The following ATP8A1 variants were observed in gnomAD, a reference collection of about 807,000 sequenced individuals.
The protein encoded by ATP8A1 is ATPase phospholipid transporting 8A1, also known as phospholipid-transporting ATPase IA.
ATP8A1 carries 90 observed loss-of-function variants against 177.7 expected under a neutral mutation model. The ratio of observed to expected loss-of-function variants is 0.51; its 90% CI spans 0.43 to 0.60. ATP8A1 has a LOEUF of 0.60. ATP8A1 is among the 20% of genes least tolerant of loss of function. The pLI, the probability that ATP8A1 is intolerant of heterozygous loss-of-function variation, is 0.00. For missense variants in ATP8A1, 1,072 were observed against 1,392.8 expected (o/e 0.77, Z 3.67); for synonymous variants, 493 against 485.9 (o/e 1.01, Z -0.19).
chr4:42,652,349 C>A (rs1741179735), intron 1 of ATP8A1, among the ~76,000 whole-genome samples: 2 of 152,302 alleles, frequency 1.3e-5, no homozygotes, highest in African/African-American at 4.8e-5. Context: ...TCAACTAAAT[C>A]TTCACAAGCC....
intron 1 of ATP8A1, among the ~76,000 whole-genome samples, chr4:42,633,463 T>C (rs1378517737): frequency 1.3e-5 from 2 of 152,306 alleles, no homozygotes; most frequent in East Asian, 1.9e-4. Context: ...GAATCTACTA[T>C]GTTTTGGGCA....
chr4:42,436,189 C>G (rs527534998), intron 33 of ATP8A1, among the ~76,000 whole-genome samples: 2 of 152,174 alleles, frequency 1.3e-5, no homozygotes, highest in Non-Finnish European at 2.9e-5. Flanking sequence ...TACGGGTACA[C>G]CATGGCCTCT....
At position 42,503,457 on chromosome 4, in the gene ATP8A1, G is replaced by T; in HGVS notation, c.2144C>A (p.Ser715Tyr). The change falls in exon 24 of 37, where the codon TCT becomes TAT. Residue 715 changes from serine to tyrosine, a missense_variant. Ser to Tyr is a moderately radical substitution (Grantham distance 144, BLOSUM62 -2). This residue lies in a region of ATP8A1 where 388 missense variants were observed against 471.7 expected (regional missense o/e 0.82). Transcript: ENST00000381668. ...NMGMIVINEG[S>Y]LDGTRETLSR... ...ATACATAATTTTACTTACATCAAGA[G>T]AGCCTTCATTTATAACAATCATTCC... 1 of 1,598,870 alleles carries T rather than the reference G, an allele frequency of 6.3e-7. No homozygotes were observed. The highest frequency in any genetic ancestry group is 8.6e-7 in the Non-Finnish European group (1 of 1,168,140).
chr4:42,540,502 C>A (rs1728273494), intron 20 of ATP8A1, among the ~76,000 whole-genome samples: 1 of 149,230 alleles, frequency 6.7e-6, no homozygotes, highest in African/African-American at 2.5e-5. Flanking sequence ...GCACTATTCA[C>A]AATAGCAAAG....
At chr4:42,488,122 C>T (rs80099111) in intron 24 of ATP8A1, among the ~76,000 whole-genome samples, 2,330 of 152,180 alleles carry the variant, frequency 0.015, 66 homozygotes, top group African/African-American at 0.053. Context: ...ATCTTAACAG[C>T]AAATTCATAT....
chr4:42,505,180 G>A (rs1200213089), intron 23 of ATP8A1, among the ~76,000 whole-genome samples: 2 of 152,132 alleles, frequency 1.3e-5, no homozygotes, highest in Non-Finnish European at 2.9e-5. Flanking sequence ...GAGATTTTGG[G>A]TTCTTTCGTT....
At chr4:42,583,897 A>G (rs776582443) in intron 9 of ATP8A1, among the ~76,000 whole-genome samples, 16 of 152,230 alleles carry the variant, frequency 1.1e-4, no homozygotes, top group Non-Finnish European at 1.9e-4. Flanking sequence ...AAGACATGGA[A>G]GCTGGCCAGT....
intron 33 of ATP8A1, among the ~76,000 whole-genome samples, chr4:42,427,713 C>T (rs988829548): frequency 6.6e-6 from 1 of 152,218 alleles, no homozygotes; most frequent in Non-Finnish European, 1.5e-5. Flanking sequence ...AAAGCATCCC[C>T]TGAAAAGGGC....
chr4:42,496,456 A>G (rs974031653), intron 24 of ATP8A1, among the ~76,000 whole-genome samples: 2 of 152,168 alleles, frequency 1.3e-5, no homozygotes, highest in Non-Finnish European at 2.9e-5. Flanking sequence ...GGGTAGGCAG[A>G]CATCCAGTCT....
intron 15 of ATP8A1, among the ~76,000 whole-genome samples, chr4:42,559,740 G>A (rs949112766): frequency 1.3e-5 from 2 of 152,194 alleles, no homozygotes; most frequent in African/African-American, 4.8e-5. Context: ...CAACGGCACA[G>A]TCTTGGCTCA....
At chr4:42,507,760 G>A (rs1386352549) in intron 22 of ATP8A1, among the ~76,000 whole-genome samples, 18 of 13,204 alleles carry the variant, frequency 1.4e-3, no homozygotes, top group South Asian at 5.9e-3. Flanking sequence ...AAAAAAGTCA[G>A]TTAAAAAGGA....
chr4:42,448,392 C>CTTACTTTACTTTTTTT (rs1560335169), intron 30 of ATP8A1, among the ~76,000 whole-genome samples: 873 of 19,662 alleles, frequency 0.044, 32 homozygotes, highest in African/African-American at 0.07. Context: ...CCCTCCTTCT[C>CTTACTTTACTTTTTTT]TTTCTTTTCT....
At chr4:42,455,485 T>TATTCAATGAAAC in intron 28 of ATP8A1, 40 bp downstream of exon 28, 1 of 1,613,570 alleles carries the variant, frequency 6.2e-7, no homozygotes, top group Non-Finnish European at 8.5e-7. Context: ...ATCTCCCAAG[T>TATTCAATGAAAC]ATTCAATGAA....
chr4:42,585,964 G>T (rs1377425657), intron 9 of ATP8A1, among the ~76,000 whole-genome samples: 2 of 152,190 alleles, frequency 1.3e-5, no homozygotes, highest in Non-Finnish European at 2.9e-5. Context: ...AGCATCTCAA[G>T]ATCACAGGAA....
intron 19 of ATP8A1, among the ~76,000 whole-genome samples, chr4:42,544,320 T>A (rs572312537): frequency 5.3e-5 from 8 of 152,320 alleles, no homozygotes; most frequent in African/African-American, 1.9e-4. Context: ...GTTGGTTTCT[T>A]AAAGGATAAA....
At chr4:42,548,238 T>G (rs540117425) in intron 19 of ATP8A1, among the ~76,000 whole-genome samples, 26 of 152,172 alleles carry the variant, frequency 1.7e-4, no homozygotes, top group African/African-American at 5.1e-4. Flanking sequence ...TTAGATATAA[T>G]GAGCATACAA....
intron 30 of ATP8A1, among the ~76,000 whole-genome samples, chr4:42,449,801 G>C (rs1487101296): frequency 6.6e-6 from 1 of 152,196 alleles, no homozygotes; most frequent in Non-Finnish European, 1.5e-5. Context: ...TTTCCAGAGA[G>C]ACGTAATGAT....
At chr4:42,601,326 G>A (rs1357001601) in intron 5 of ATP8A1, among the ~76,000 whole-genome samples, 11 of 150,530 alleles carry the variant, frequency 7.3e-5, no homozygotes, top group Non-Finnish European at 1.6e-4. Context: ...GTGAGCCACC[G>A]CGCCTGGCCC....
intron 6 of ATP8A1, among the ~76,000 whole-genome samples, chr4:42,597,544 T>C (rs1459054105): frequency 6.6e-6 from 1 of 152,218 alleles, no homozygotes; most frequent in Non-Finnish European, 1.5e-5. Flanking sequence ...TAGTATAATT[T>C]CTTCTGTGTT....
Sources: gnomAD v4.1 joint callset for allele counts (sites outside exome capture counted in the v4.1 genomes callset) on GRCh38, gnomAD v4.1.1 for gene constraint, gnomAD v4.1.1 regional missense constraint, MANE v1.5 for transcripts, NCBI Gene and HGNC (gene_info 2026-07-23, HGNC 2026-07-21) for gene names.